The following AKAP12 variants were observed in gnomAD, a reference collection of about 807,000 sequenced individuals.
AKAP12 encodes the protein A-kinase anchoring protein 12, also known as A-kinase anchor protein 12.
AKAP12 carries 32 observed loss-of-function variants against 79.9 expected under a neutral mutation model. The ratio of observed to expected loss-of-function variants is 0.40; its 90% CI spans 0.30 to 0.54. The LOEUF is 0.54. Ranked by LOEUF, AKAP12 falls within the 20% of genes least tolerant of loss-of-function variation. AKAP12 has a pLI of 0.48. For missense variants in AKAP12, 2,074 were observed against 2,177.0 expected, an observed-to-expected ratio of 0.95 and a Z score of 0.94; for synonymous variants, 808 against 857.0, an observed-to-expected ratio of 0.94 and a Z score of 1.00.
At chr6:151,333,217 G>C (rs1040997489) in intron 3 of AKAP12, among the ~76,000 whole-genome samples, 5 of 152,112 alleles carry the variant, frequency 3.3e-5, no homozygotes, top group African/African-American at 1.2e-4. Flanking sequence ...TGCCAGGCCT[G>C]CACGGGTTAG....
chr6:151,298,668 T>C (rs1776789440), intron 2 of AKAP12, among the ~76,000 whole-genome samples: 2 of 151,976 alleles, frequency 1.3e-5, no homozygotes, highest in South Asian at 4.2e-4. Context: ...TGGTGGCACT[T>C]GACTGTGATC....
intron 3 of AKAP12, among the ~76,000 whole-genome samples, chr6:151,311,545 A>AC (rs1346261633): frequency 6.6e-6 from 1 of 151,974 alleles, no homozygotes; most frequent in Non-Finnish European, 1.5e-5. Flanking sequence ...AGAAACAAAA[A>AC]CCCTCAAAAT....
chr6:151,288,189 T>C (rs940856172), intron 2 of AKAP12, among the ~76,000 whole-genome samples: 2 of 150,050 alleles, frequency 1.3e-5, no homozygotes, highest in African/African-American at 4.9e-5. Context: ...GTTCTGGACA[T>C]GTATCCCAGA....
At chr6:151,270,487 A>C (rs955451398) in intron 2 of AKAP12, among the ~76,000 whole-genome samples, 1 of 152,230 alleles carries the variant, frequency 6.6e-6, no homozygotes, top group African/African-American at 2.4e-5. Flanking sequence ...TAATATTGCT[A>C]TGAACACTAA....
intron 2 of AKAP12, among the ~76,000 whole-genome samples, chr6:151,268,334 T>C (rs1172914126): frequency 6.6e-6 from 1 of 152,126 alleles, no homozygotes; most frequent in Non-Finnish European, 1.5e-5. Flanking sequence ...GAAGAATTGC[T>C]TGAACCCGGG....
At chr6:151,345,046 G>A (rs191781624) in intron 3 of AKAP12, among the ~76,000 whole-genome samples, 16 of 152,166 alleles carry the variant, frequency 1.1e-4, no homozygotes, top group Admixed American at 8.5e-4. Context: ...ATTTATTGCT[G>A]TGTTCTAAGT....
intron 2 of AKAP12, among the ~76,000 whole-genome samples, chr6:151,285,492 G>T (rs1179976254): frequency 6.6e-6 from 1 of 150,778 alleles, no homozygotes; most frequent in African/African-American, 2.4e-5. Flanking sequence ...GATGAAAAAA[G>T]GATTTTTTTA....
At position 151,302,142 on chromosome 6, in the gene AKAP12, C is replaced by G. The variant is rs143725648; in HGVS notation, c.163-3605C>G. Among the ~76,000 whole-genome samples the G allele has an allele frequency of 3.4e-3, 522 of 151,728 alleles. 2 individuals carry two copies. Among genetic ancestry groups the G allele is most frequent in the African/African-American group, 0.012 (496 of 41,322 alleles). ...TCTCCTGCCTCAGCTTCCCTAGTAG[C>G]TGGGATTATAGGCGCACACCACCAC... On this transcript the variant is annotated intron_variant, in intron 2 of 4. Transcript: ENST00000402676.
intron 3 of AKAP12, among the ~76,000 whole-genome samples, chr6:151,344,910 T>C (rs759395279): frequency 1.3e-5 from 2 of 152,172 alleles, no homozygotes; most frequent in South Asian, 2.1e-4. Context: ...TTTGTAGACA[T>C]AGATTTGTAA....
chr6:151,308,435 A>G (rs1777021811), intron 3 of AKAP12, among the ~76,000 whole-genome samples: 2 of 151,120 alleles, frequency 1.3e-5, no homozygotes, highest in African/African-American at 4.9e-5. Context: ...ATGGTCTTGA[A>G]CTCCTGACCT....
intron 2 of AKAP12, among the ~76,000 whole-genome samples, chr6:151,260,985 CTG>C (rs961391511): frequency 2.0e-5 from 3 of 152,038 alleles, no homozygotes; most frequent in Non-Finnish European, 2.9e-5. Flanking sequence ...TCAGGACCCT[CTG>C]TTTATATTCC....
At chr6:151,249,091 G>T (rs1280727938) in intron 2 of AKAP12, among the ~76,000 whole-genome samples, 1 of 152,134 alleles carries the variant, frequency 6.6e-6, no homozygotes, top group African/African-American at 2.4e-5. Flanking sequence ...TGAGCCAGAA[G>T]CTGTGACTTT....
At chr6:151,348,636 C>A in intron 3 of AKAP12, 75 bp from the exon 4 acceptor site, 2 of 1,128,744 alleles carry the variant, frequency 1.8e-6, no homozygotes, top group Admixed American at 2.6e-5. Flanking sequence ...GAGGCCCTGT[C>A]GGAGAAAAAC....
chr6:151,250,911 T>C (rs1269523570), intron 2 of AKAP12, among the ~76,000 whole-genome samples: 2 of 152,086 alleles, frequency 1.3e-5, no homozygotes, highest in South Asian at 2.1e-4. Context: ...CGGCCAAAAA[T>C]GGTCAGATAT....
chr6:151,267,132 TA>T (rs111825651), intron 2 of AKAP12, among the ~76,000 whole-genome samples: 8,784 of 150,548 alleles, frequency 0.058, 306 homozygotes, highest in African/African-American at 0.095. Flanking sequence ...TGAGATTTTG[TA>T]AAAAAAAACC....
intron 3 of AKAP12, chr6:151,324,287 T>C (rs1777468859): frequency 1.0e-6 from 1 of 985,292 alleles, no homozygotes; most frequent in African/African-American, 1.7e-5. Context: ...GGCCGGGTAT[T>C]TGCCAGGATG....
intron 3 of AKAP12, among the ~76,000 whole-genome samples, chr6:151,327,693 C>T (rs1777564455): frequency 6.6e-6 from 1 of 152,164 alleles, no homozygotes; most frequent in African/African-American, 2.4e-5. Context: ...CAGATAATCC[C>T]AATGGAGTGA....
rs548414497 is a variant in AKAP12, at chr6:151,246,874, A to G, written c.162+6150A>G. 7.2e-5 allele frequency among the ~76,000 whole-genome samples: 11 copies of G among 152,112 alleles called. No individual in the cohort carries two copies. The South Asian group carries it at 2.1e-3, about 29-fold the overall frequency. On this transcript the variant is annotated intron_variant, in intron 2 of 4. Coordinates refer to ENST00000402676, the MANE Select transcript of AKAP12 (RefSeq NM_005100.4). The stretch of plus-strand genomic sequence containing the variant: ...CCTCCTGGGCTCAAATGACCCTCCT[A>G]CTTCAGCCTCCTGAGTAGCTGGGAC...
intron 2 of AKAP12, among the ~76,000 whole-genome samples, chr6:151,264,368 TAA>T (rs11324571): frequency 0.011 from 1,118 of 104,658 alleles, 17 homozygotes; most frequent in African/African-American, 0.033. Context: ...CCCCACCTCT[TAA>T]AAAAAAAAAA....
Sources: gnomAD v4.1 joint callset for allele counts (sites outside exome capture counted in the v4.1 genomes callset) on GRCh38, gnomAD v4.1.1 for gene constraint, MANE v1.5 for transcripts, NCBI Gene and HGNC (gene_info 2026-07-23, HGNC 2026-07-21) for gene names.